The following FAM185A variants were observed in gnomAD, a reference collection of about 807,000 sequenced individuals.
FAM185A encodes the protein family with sequence similarity 185 member A.
Under a neutral mutation model 45.7 loss-of-function variants are expected in FAM185A, and 21 were observed. The ratio of observed to expected loss-of-function variants is 0.46; its 90% CI spans 0.33 to 0.66. The LOEUF is 0.66. Ranked by LOEUF, FAM185A falls within the 30% of genes least tolerant of loss-of-function variation. The pLI, the probability that FAM185A is intolerant of heterozygous loss-of-function variation, is 0.03. For missense variants in FAM185A, 305 were observed against 485.4 expected (o/e 0.63, Z 3.49); for synonymous variants, 117 against 194.0 (o/e 0.60, Z 3.30).
intron 2 of FAM185A, chr7:102,755,629 T>C (rs1464256040): frequency 1.8e-5 from 11 of 604,164 alleles, no homozygotes; most frequent in Admixed American, 2.3e-5. Flanking sequence ...ATGGATCCCA[T>C]TGAGCTGACT....
chr7:102,787,306 T>C lies in FAM185A; in HGVS notation c.932-29T>C. Reference sequence around the variant, plus strand: ...TCTGGTACTTTTGATTTCTTTATATTACTAAGCTCTCCATTATATTTATTA... The same window carrying C: ...TCTGGTACTTTTGATTTCTTTATATCACTAAGCTCTCCATTATATTTATTA... On this transcript the variant is annotated intron_variant, in intron 6 of 7. Coordinates refer to ENST00000413034, the MANE Select transcript of FAM185A (RefSeq NM_001145268.2). 3 of 1,346,612 alleles carry C rather than the reference T, an allele frequency of 2.2e-6. No homozygotes were observed. The African/African-American group carries it at 4.5e-5, about 20-fold the overall frequency. The allele number at this position is 1,346,612 out of a possible 1,614,324, so 83.4% of individuals were successfully genotyped here. A position where few individuals can be genotyped will look rare whatever the true frequency, so the allele number is the denominator to read the frequency against.
chr7:102,784,860 G>C (rs1414868159), intron 6 of FAM185A, among the ~76,000 whole-genome samples: 2 of 152,148 alleles, frequency 1.3e-5, no homozygotes, highest in African/African-American at 4.8e-5. Flanking sequence ...AAGAAATAAA[G>C]GGTATTCAAT....
intron 1 of FAM185A, 54 bp downstream of exon 1, chr7:102,749,712 T>C (rs1793239587): frequency 6.7e-7 from 1 of 1,495,792 alleles, no homozygotes; most frequent in East Asian, 2.5e-5. Flanking sequence ...CACAGTGAAC[T>C]TAATAAATGT....
intron 7 of FAM185A, among the ~76,000 whole-genome samples, chr7:102,797,662 C>T (rs1157723736): frequency 6.6e-6 from 1 of 152,076 alleles, no homozygotes; most frequent in Non-Finnish European, 1.5e-5. Flanking sequence ...TGTGAGAGCA[C>T]TGGTGTGTCT....
downstream of FAM185A, among the ~76,000 whole-genome samples, chr7:102,812,067 C>T (rs769980688): frequency 3.9e-5 from 6 of 152,116 alleles, no homozygotes; most frequent in Middle Eastern, 3.2e-3. Flanking sequence ...ATTAACTCCA[C>T]GTGAGAGATA....
At position 102,808,471 on chromosome 7, in the gene FAM185A, C is replaced by T. The variant is rs1317868997; in HGVS notation, c.*69C>T. On this transcript the variant is annotated 3_prime_UTR_variant, in exon 8 of 8. Transcript: ENST00000413034. ...GATCTGTGACTACAAAAATGTAAAT[C>T]CCACCATTCATATAAAGGTTGAAAA... The T allele has an allele frequency of 4.2e-6, 4 of 951,102 alleles. No homozygotes were observed. The highest frequency in any genetic ancestry group is 1.4e-5 in the South Asian group (1 of 70,600). 58.9% of individuals were successfully genotyped at this position (951,102 alleles called of 1,614,324 possible).
intron 6 of FAM185A, among the ~76,000 whole-genome samples, chr7:102,780,996 G>A (rs940826699): frequency 3.9e-5 from 6 of 152,164 alleles, no homozygotes; most frequent in Non-Finnish European, 8.8e-5. Context: ...CTTAGCAAAC[G>A]GCACACCAGG....
chr7:102,803,341 G>C (rs923456247), intron 7 of FAM185A, among the ~76,000 whole-genome samples: 6 of 152,188 alleles, frequency 3.9e-5, no homozygotes, highest in African/African-American at 1.4e-4. Context: ...CCATGATCAA[G>C]TGGGTTCCAT....
chr7:102,778,370 A>T (rs1296750031), intron 6 of FAM185A, among the ~76,000 whole-genome samples: 1 of 152,300 alleles, frequency 6.6e-6, no homozygotes, highest in Non-Finnish European at 1.5e-5. Context: ...CTTCAGGGAA[A>T]ATTATAAATG....
the FAM185A span, among the ~76,000 whole-genome samples, chr7:102,839,916 A>C: frequency 6.6e-6 from 1 of 152,122 alleles, no homozygotes; most frequent in Non-Finnish European, 1.5e-5. Context: ...TTTTCTTGTC[A>C]CACCAAAAAA....
chr7:102,802,678 A>C (rs180710788), intron 7 of FAM185A, among the ~76,000 whole-genome samples: 1 of 152,290 alleles, frequency 6.6e-6, no homozygotes, highest in African/African-American at 2.4e-5. Flanking sequence ...AACCCAGTAG[A>C]AAAAAGGAAA....
the FAM185A span, chr7:102,832,778 C>T: frequency 6.3e-7 from 1 of 1,597,556 alleles, no homozygotes; most frequent in Non-Finnish European, 8.5e-7. Flanking sequence ...TGATCGCTGT[C>T]CTGCCTTGTC....
downstream of FAM185A, chr7:102,813,528 C>T (rs1797589962): frequency 1.2e-6 from 2 of 1,613,510 alleles, no homozygotes; most frequent in East Asian, 2.2e-5. Flanking sequence ...TTTGAGCTGC[C>T]TTCCTGTAAT....
chr7:102,812,909 C>G (rs1012137698), downstream of FAM185A, among the ~76,000 whole-genome samples: 2 of 140,286 alleles, frequency 1.4e-5, no homozygotes, highest in Non-Finnish European at 3.0e-5. Context: ...GTGACGTGAT[C>G]TAGGCTCACT....
the FAM185A span, among the ~76,000 whole-genome samples, chr7:102,818,548 G>A: frequency 6.6e-6 from 1 of 152,166 alleles, no homozygotes; most frequent in East Asian, 1.9e-4. Flanking sequence ...ATGAGCTAGA[G>A]AGGAGAACTC....
At chr7:102,789,469 G>A (rs1256911624) in intron 7 of FAM185A, among the ~76,000 whole-genome samples, 2 of 152,192 alleles carry the variant, frequency 1.3e-5, no homozygotes, top group African/African-American at 4.8e-5. Context: ...AGCACTTTGG[G>A]AGGCCAAGGC....
At chr7:102,817,768 T>G in the FAM185A span, among the ~76,000 whole-genome samples, 2,141 of 152,312 alleles carry the variant, frequency 0.014, 118 homozygotes, top group East Asian at 0.16. Flanking sequence ...GGAACCACTG[T>G]GTGTTCTAAA....
chr7:102,749,757 T>C, intron 1 of FAM185A, 99 bp downstream of exon 1: 3 of 1,464,968 alleles, frequency 2.0e-6, no homozygotes, highest in Middle Eastern at 2.5e-4. Flanking sequence ...CCTGGCTCTC[T>C]AAACCTAATT....
At chr7:102,763,655 C>A (rs1274099258) in intron 4 of FAM185A, among the ~76,000 whole-genome samples, 3 of 152,128 alleles carry the variant, frequency 2.0e-5, no homozygotes, top group Non-Finnish European at 2.9e-5. Context: ...GATCTTGGGC[C>A]GAAGTGACTC....
Sources: gnomAD v4.1 joint callset for allele counts (sites outside exome capture counted in the v4.1 genomes callset) on GRCh38, gnomAD v4.1.1 for gene constraint, MANE v1.5 for transcripts, NCBI Gene and HGNC (gene_info 2026-07-23, HGNC 2026-07-21) for gene names.